The following ANKS3 variants were observed in gnomAD, a reference collection of about 807,000 sequenced individuals.
The protein encoded by ANKS3 is ankyrin repeat and sterile alpha motif domain containing 3.
Under a neutral mutation model 80.7 loss-of-function variants are expected in ANKS3, and 62 were observed. The observed-to-expected ratio is 0.77, with a 90% CI of 0.63 to 0.95. ANKS3 has a LOEUF of 0.95. Among genes scored for constraint, ANKS3 ranks in the 40% least tolerant of loss-of-function variants. The pLI, the probability that ANKS3 is intolerant of heterozygous loss-of-function variation, is 0.00. For synonymous variants in ANKS3, 489 were observed against 355.3 expected, an observed-to-expected ratio of 1.38 and a Z score of -4.23; for missense variants, 1,150 against 883.6, an observed-to-expected ratio of 1.30 and a Z score of -3.82.
chr16:4,730,295 T>G (rs531253980), intron 2 of ANKS3, 144 bp from the exon 3 acceptor site: 1 of 719,958 alleles, frequency 1.4e-6, no homozygotes, highest in Admixed American at 4.1e-5. Context: ...CAGACAAATT[T>G]ATTTGCTGAA....
At chr16:4,705,426 A>G (rs76800874) in intron 7 of ANKS3, among the ~76,000 whole-genome samples, 173 bp from the exon 8 acceptor site, 1,565 of 152,288 alleles carry the variant, frequency 0.01, 28 homozygotes, top group African/African-American at 0.036. Context: ...CGCTGCTCCA[A>G]TGGGCCACAG....
At chr16:4,709,938 G>C (rs2080396900) in intron 7 of ANKS3, among the ~76,000 whole-genome samples, 1 of 152,146 alleles carries the variant, frequency 6.6e-6, no homozygotes, top group Non-Finnish European at 1.5e-5. Context: ...TTGAGCCCAG[G>C]AATTGGAGGC....
At position 4,702,147 on chromosome 16, in the gene ANKS3, T is replaced by C. The variant is rs1307407274; in HGVS notation, c.964A>G (p.Ile322Val). ...GLCCRDVTSP[I>V]NERDVESSSS... ...CTGCTCTCCACATCCCGCTCATTGATGGGGGAGGTGACATCCCGGCAGCAG... is the reference window on the plus strand; with the variant it reads ...CTGCTCTCCACATCCCGCTCATTGACGGGGGAGGTGACATCCCGGCAGCAG... The change falls in exon 9 of 18, where the codon ATC (isoleucine) becomes GTC (valine). Residue 322 changes from isoleucine (I) to valine (V), a missense_variant. Physicochemically the swap from Ile to Val is conservative, Grantham distance 29 (BLOSUM62 3). Transcript: ENST00000304283. The C allele has an allele frequency of 1.0e-5, 16 of 1,596,786 alleles. No homozygotes were observed. The highest frequency in any genetic ancestry group is 1.4e-5 in the Non-Finnish European group (16 of 1,172,272).
intron 3 of ANKS3, among the ~76,000 whole-genome samples, chr16:4,728,951 G>C (rs2081490580): frequency 1.3e-5 from 2 of 152,164 alleles, no homozygotes; most frequent in South Asian, 4.1e-4. Context: ...CGGAGACCTG[G>C]GGCTTCAGCA....
intron 5 of ANKS3, among the ~76,000 whole-genome samples, chr16:4,725,530 G>C (rs2081304067): frequency 1.3e-5 from 2 of 152,194 alleles, no homozygotes; most frequent in African/African-American, 4.8e-5. Flanking sequence ...AAATTATCAG[G>C]TGTCTTAGAA....
At chr16:4,703,417 C>A (rs1011783296) in intron 8 of ANKS3, among the ~76,000 whole-genome samples, 2 of 136,248 alleles carry the variant, frequency 1.5e-5, no homozygotes, top group South Asian at 2.7e-4. Flanking sequence ...ACCTGGCCCC[C>A]CCAATTTTTT....
chr16:4,726,475 A>G (rs531395582), intron 5 of ANKS3, among the ~76,000 whole-genome samples, 184 bp downstream of exon 5: 17 of 152,308 alleles, frequency 1.1e-4, no homozygotes, highest in African/African-American at 4.1e-4. Context: ...GCTTGAAGAG[A>G]TGCATCTCAC....
intron 6 of ANKS3, among the ~76,000 whole-genome samples, chr16:4,721,625 G>GATTGATTTATTT: frequency 6.9e-6 from 1 of 145,514 alleles, no homozygotes; most frequent in South Asian, 2.2e-4. Flanking sequence ...TTGATTTATT[G>GATTGATTTATTT]ATTTATTTAT....
rs887053339 is a variant in ANKS3, at chr16:4,731,560, C to T, written c.-51G>A. 1.1e-4 allele frequency: 98 copies of T among 881,472 alleles called. No homozygotes were observed. The highest frequency in any genetic ancestry group is 3.1e-4 in the South Asian group (6 of 19,160). 54.6% of individuals were successfully genotyped at this position (881,472 alleles called of 1,614,324 possible). A position where few individuals can be genotyped will look rare whatever the true frequency, so the allele number is the denominator to read the frequency against. ...CCTCTCAAAGTCCTGGAAATATAGG[C>T]GTGAGCCACTGCACCTGGCCTGTAA... On this transcript the variant is annotated 5_prime_UTR_variant, in exon 2 of 18. Transcript: ENST00000304283.
At chr16:4,729,667 T>G in intron 3 of ANKS3, 1 of 180,608 alleles carries the variant, frequency 5.5e-6, no homozygotes, top group Non-Finnish European at 1.1e-5. Flanking sequence ...GGCCATCACT[T>G]TCTGTCTTTA....
At chr16:4,732,332 C>A (rs1019510982) in intron 1 of ANKS3, among the ~76,000 whole-genome samples, 1 of 152,136 alleles carries the variant, frequency 6.6e-6, no homozygotes, top group Non-Finnish European at 1.5e-5. Flanking sequence ...CAAGCCTTCA[C>A]TGGGCATGTC....
intron 6 of ANKS3, 149 bp downstream of exon 6, chr16:4,724,601 C>A (rs2142142455): frequency 2.8e-6 from 2 of 713,344 alleles, no homozygotes; most frequent in East Asian, 5.7e-5. Context: ...CCACTCAACA[C>A]CGGGCGTCAA....
Position 4,714,061 on chromosome 16 carries a change from A to G in ANKS3, c.699T>C (p.Tyr233=), listed in dbSNP as rs767289467. 2 of 1,614,102 alleles carry G rather than the reference A, an allele frequency of 1.2e-6. No homozygotes were observed. The highest frequency in any genetic ancestry group is 2.2e-5 in the South Asian group (2 of 91,070). Reference sequence around the variant, plus strand: ...GGCAGGTGTGGGTACCTGGGCTCCGATAGAGGCTCTTGGGCAGAGAGGGCG... The same window carrying G: ...GGCAGGTGTGGGTACCTGGGCTCCGGTAGAGGCTCTTGGGCAGAGAGGGCG... ...TYSPSLPKSL[Y]RSPEKYEDLS... is the part of the protein sequence containing the mutation. The change falls in exon 7 of 18, where the codon TAT becomes TAC. Residue 233 remains tyrosine (Y), a synonymous_variant. Transcript: ENST00000304283.
At chr16:4,732,774 G>C (rs185733599) in intron 1 of ANKS3, among the ~76,000 whole-genome samples, 1 of 150,788 alleles carries the variant, frequency 6.6e-6, no homozygotes, top group African/African-American at 2.4e-5. Context: ...AGACGTTTTA[G>C]TTTTCATTCA....
rs2079708473 is a variant in ANKS3, at chr16:4,698,517, T to C, written c.1634A>G (p.Glu545Gly). 2 of 1,568,552 alleles carry C rather than the reference T, an allele frequency of 1.3e-6. No individual in the cohort carries two copies. The highest frequency in any genetic ancestry group is 2.3e-5 in the South Asian group (2 of 87,500). ...GAGGTCCTCGCGGGCGCGGTCCTGC[T>C]CCAGCAGGCAGCTCTCCACCACGGC... ...LRAVVESCLLEQDRAREDLQA... is the reference protein window; with the variant it reads ...LRAVVESCLLGQDRAREDLQA... Residue 545 changes from glutamate (E) to glycine (G), a missense_variant, in exon 14 of 18, where the codon GAG becomes GGG. Glu to Gly is a moderately conservative substitution (Grantham distance 98). Coordinates refer to ENST00000304283, the MANE Select transcript of ANKS3 (RefSeq NM_133450.4).
In ANKS3 at chr16:4,725,541, T is replaced by C. The variant is rs76289765; in HGVS notation, c.492-710A>G. 2.2e-3 allele frequency among the ~76,000 whole-genome samples: 332 copies of C among 152,350 alleles called. 1 individual carries two copies. The highest frequency in any genetic ancestry group is 4.4e-3 in the Non-Finnish European group (296 of 68,024). ...TACAAAATTATCAGGTGTCTTAGAATGAATGACAGCCAGGGTGGGTGCTGC... is the reference window on the plus strand; with the variant it reads ...TACAAAATTATCAGGTGTCTTAGAACGAATGACAGCCAGGGTGGGTGCTGC... On this transcript the variant is annotated intron_variant, in intron 5 of 17. Transcript: ENST00000304283.
intron 6 of ANKS3, among the ~76,000 whole-genome samples, chr16:4,719,645 A>G (rs2142115471): frequency 6.6e-6 from 1 of 151,986 alleles, no homozygotes; most frequent in South Asian, 2.1e-4. Flanking sequence ...CTCTACAAAA[A>G]AAAAACAGCC....
chr16:4,702,743 C>T (rs1295337778), intron 8 of ANKS3, among the ~76,000 whole-genome samples: 2 of 151,926 alleles, frequency 1.3e-5, no homozygotes, highest in African/African-American at 2.4e-5. Context: ...AAATTAACAA[C>T]AATAATATGA....
rs1448084231 is a variant in ANKS3, at chr16:4,702,153, A to G, written c.958T>C (p.Ser320Pro). ...TCCACATCCCGCTCATTGATGGGGGAGGTGACATCCCGGCAGCAGAGGCCC... is the reference window on the plus strand; with the variant it reads ...TCCACATCCCGCTCATTGATGGGGGGGGTGACATCCCGGCAGCAGAGGCCC... ...EEGLCCRDVT[S>P]PINERDVESS... Residue 320 changes from serine (S) to proline (P), a missense_variant, in exon 9 of 18, where the codon TCC (serine) becomes CCC (proline). Physicochemically the swap from Ser to Pro is moderately conservative, Grantham distance 74. Transcript: ENST00000304283. 1.9e-6 allele frequency: 3 copies of G among 1,594,664 alleles called. No homozygotes were observed. The highest frequency in any genetic ancestry group is 2.6e-6 in the Non-Finnish European group (3 of 1,171,452).
Sources: allele counts gnomAD v4.1 joint callset (sites outside exome capture counted in the v4.1 genomes callset), GRCh38; gene constraint gnomAD v4.1.1; transcripts MANE v1.5; gene names NCBI Gene and HGNC (gene_info 2026-07-23, HGNC 2026-07-21).